The following LMF1 variants were observed in gnomAD, a reference collection of about 807,000 sequenced individuals.
The protein encoded by LMF1 is lipase maturation factor 1, also known as transmembrane protein 112.
In LMF1, 68 loss-of-function variants were observed where a neutral mutation model predicts 60.6. The ratio of observed to expected loss-of-function variants is 1.12; its 90% CI spans 0.92 to 1.37. The LOEUF (loss-of-function observed/expected upper bound fraction) is 1.37. Among genes scored for constraint, LMF1 ranks in the 40% most tolerant of loss-of-function variants. LMF1 has a pLI of 0.00. For missense variants in LMF1, 948 were observed against 767.2 expected, an observed-to-expected ratio of 1.24 and a Z score of -2.78; for synonymous variants, 418 against 324.7, an observed-to-expected ratio of 1.29 and a Z score of -3.09.
At chr16:970,353 C>CA (rs1288689799) in intron 1 of LMF1, among the ~76,000 whole-genome samples, 41 of 152,318 alleles carry the variant, frequency 2.7e-4, no homozygotes, top group African/African-American at 8.9e-4. Context: ...ACAGCAGGAG[C>CA]GCCTCGCCTC....
At chr16:929,512 G>A (rs908745593) in intron 3 of LMF1, among the ~76,000 whole-genome samples, 2 of 152,224 alleles carry the variant, frequency 1.3e-5, no homozygotes, top group Non-Finnish European at 2.9e-5. Context: ...CCGCTGCTGC[G>A]GGTCCTCTCG....
chr16:884,684 G>C (rs1481518047), intron 5 of LMF1, among the ~76,000 whole-genome samples: 3 of 151,934 alleles, frequency 2.0e-5, no homozygotes, highest in Non-Finnish European at 4.4e-5. Context: ...CTCCACGCAG[G>C]AGTGAAGAGC....
intron 3 of LMF1, among the ~76,000 whole-genome samples, chr16:914,371 C>T (rs866424324): frequency 1.3e-5 from 2 of 152,134 alleles, no homozygotes; most frequent in South Asian, 2.1e-4. Context: ...TCCCCACACC[C>T]GACCTTCCTG....
chr16:854,783 G>T, intron 10 of LMF1, 77 bp from the exon 11 acceptor site: 1 of 1,320,170 alleles, frequency 7.6e-7, no homozygotes, highest in African/African-American at 1.5e-5. Context: ...CTGCTGCTGA[G>T]CTGCAGCTGC....
In LMF1 at chr16:913,102, G is replaced by A. The variant is rs540342726; in HGVS notation, c.515-2023C>T. The stretch of plus-strand genomic sequence containing the variant: ...TGCCTTTCCCGTTGCGCAGCTGCAC[G>A]CGCTGCCTGCTGGGCGCCAGCATCT... On this transcript the variant is annotated intron_variant, in intron 3 of 10. Coordinates refer to ENST00000262301, the MANE Select transcript of LMF1 (RefSeq NM_022773.4). Among the ~76,000 whole-genome samples, 6 of 152,332 alleles carry A rather than the reference G, an allele frequency of 3.9e-5. No individual in the cohort carries two copies. In the South Asian group the frequency reaches 1.2e-3, roughly 32 times the overall value.
At position 897,558 on chromosome 16, in the gene LMF1, A is replaced by G. The variant is rs1478947073; in HGVS notation, c.664-4486T>C. Among the ~76,000 whole-genome samples, 2 of 152,202 alleles carry G rather than the reference A, an allele frequency of 1.3e-5. No homozygotes were observed. The highest frequency in any genetic ancestry group is 4.8e-5 in the African/African-American group (2 of 41,442). On this transcript the variant is annotated intron_variant, in intron 4 of 10. Transcript: ENST00000262301. This position sits in a 1 kb window ranked among gnomAD's most constrained non-coding sequence, Gnocchi z 4.3. ...CCTCCGCAGGAGAGACTCAAAGGGG[A>G]GAGCTTTGTCCTGGAGTCAGGTCAC...
intron 1 of LMF1, among the ~76,000 whole-genome samples, chr16:958,555 C>T (rs1207206074): frequency 6.6e-6 from 1 of 152,164 alleles, no homozygotes; most frequent in African/African-American, 2.4e-5. Flanking sequence ...AGCGTGCTGT[C>T]ACCACACACA....
chr16:910,099 C>T (rs901979915), intron 4 of LMF1, among the ~76,000 whole-genome samples: 28 of 152,364 alleles, frequency 1.8e-4, no homozygotes, highest in African/African-American at 5.1e-4. Context: ...CCACGTGAAG[C>T]GGAAGAGCAG....
At chr16:971,882 T>C (rs1156289525), upstream of LMF1, among the ~76,000 whole-genome samples, 1 of 152,198 alleles carries the variant, frequency 6.6e-6, no homozygotes, top group African/African-American at 2.4e-5. Context: ...TCAGCACTCT[T>C]TACGTATGAA....
At chr16:976,132 G>C (rs954163519) in intron 1 of LMF1, 3 of 441,782 alleles carry the variant, frequency 6.8e-6, no homozygotes, top group African/African-American at 4.5e-5. Context: ...TGGGCTGAGA[G>C]AGCCCCCCAG....
In LMF1 at chr16:853,919, C is replaced by CTGTGTGTGCCCT. The variant is rs1437935897; in HGVS notation, c.*612_*613insAGGGCACACACA. The CTGTGTGTGCCCT allele has an allele frequency of 1.1e-4, 49 of 454,140 alleles. 1 individual carries two copies. The highest frequency in any genetic ancestry group is 9.0e-4 in the African/African-American group (45 of 50,120). 28.1% of individuals were successfully genotyped at this position (454,140 alleles called of 1,614,324 possible). On this transcript the variant is annotated 3_prime_UTR_variant, in exon 11 of 11. Coordinates refer to ENST00000262301, the MANE Select transcript of LMF1 (RefSeq NM_022773.4). The stretch of plus-strand genomic sequence containing the variant: ...GGCCAAGAACACATGTGTGCACAGG[C>CTGTGTGTGCCCT]TGTGTGTGCCTGCATGTGTGGGATG...
intron 2 of LMF1, among the ~76,000 whole-genome samples, chr16:945,285 G>T (rs929184822): frequency 6.6e-6 from 1 of 151,580 alleles, no homozygotes; most frequent in African/African-American, 2.4e-5. Flanking sequence ...ACTTTGGGAG[G>T]CTGAGATAGG....
Position 855,902 on chromosome 16 carries a change from G to A in LMF1, c.1530-1196C>T, listed in dbSNP as rs192531538. The A allele has an allele frequency of 1.2e-3, 560 of 456,038 alleles. 3 individuals are homozygous for A. Among genetic ancestry groups the A allele is most frequent in the African/African-American group, 9.9e-3 (497 of 50,188 alleles). The allele number at this position is 456,038 out of a possible 1,614,324, so 28.2% of individuals were successfully genotyped here. On this transcript the variant is annotated intron_variant, in intron 10 of 10. Coordinates refer to ENST00000262301, the MANE Select transcript of LMF1 (RefSeq NM_022773.4). ...GCCATGCCCCTTAGGCTGGCAGGGT[G>A]AGGGCCTCTGGGTCCACCCGGCTCC...
intron 1 of LMF1, chr16:980,057 G>A: frequency 6.3e-6 from 2 of 316,886 alleles, no homozygotes; most frequent in South Asian, 5.4e-5. Flanking sequence ...CTGGCAGCCA[G>A]CTCTCCACCT....
At chr16:863,800 T>A (rs1283448566) in intron 10 of LMF1, among the ~76,000 whole-genome samples, 1 of 152,226 alleles carries the variant, frequency 6.6e-6, no homozygotes, top group Non-Finnish European at 1.5e-5. Flanking sequence ...ATCCAGCTGA[T>A]GTCAGATTAT....
chr16:967,688 C>T (rs1460951880), intron 1 of LMF1, among the ~76,000 whole-genome samples: 1 of 152,256 alleles, frequency 6.6e-6, no homozygotes, highest in African/African-American at 2.4e-5. Context: ...CTCGGTCCTC[C>T]CAGGAGCCGT....
chr16:889,887 A>G (rs1251797023), intron 5 of LMF1, among the ~76,000 whole-genome samples: 1 of 152,114 alleles, frequency 6.6e-6, no homozygotes, highest in Non-Finnish European at 1.5e-5. Context: ...GTCTGAGGTG[A>G]GAGGGGGGAT....
At chr16:924,201 G>A (rs1428981283) in intron 3 of LMF1, among the ~76,000 whole-genome samples, 1 of 152,188 alleles carries the variant, frequency 6.6e-6, no homozygotes, top group East Asian at 1.9e-4. Flanking sequence ...TTCATAAGAG[G>A]ACATGTATAC....
chr16:981,346 G>GAGAGAGAA (rs2073368400), upstream of LMF1: 9 of 221,910 alleles, frequency 4.1e-5, no homozygotes, highest in African/African-American at 1.7e-4. Context: ...GAGAGAGAGA[G>GAGAGAGAA]AGTGTGTGTG....
Sources: allele counts gnomAD v4.1 joint callset (sites outside exome capture counted in the v4.1 genomes callset), GRCh38; gene constraint gnomAD v4.1.1; non-coding constraint Gnocchi (gnomAD v3.1); transcripts MANE v1.5; gene names NCBI Gene and HGNC (gene_info 2026-07-23, HGNC 2026-07-21).